Variants in PTPRD observed in about 807,000 individuals in gnomAD.
PTPRD encodes protein tyrosine phosphatase receptor type D, also known as receptor-type tyrosine-protein phosphatase delta.
Under a neutral mutation model 214.5 loss-of-function variants are expected in PTPRD, and 34 were observed. The observed-to-expected ratio is 0.16, with a 90% CI of 0.12 to 0.21. PTPRD has a LOEUF of 0.21. PTPRD is among the 10% of genes least tolerant of loss of function. The pLI, the probability that PTPRD is intolerant of heterozygous loss-of-function variation, is 1.00. For synonymous variants in PTPRD, 1,128 were observed against 845.7 expected, an observed-to-expected ratio of 1.33 and a Z score of -5.79; for missense variants, 2,545 against 2,398.7, an observed-to-expected ratio of 1.06 and a Z score of -1.27.
At chr9:8,354,046 C>T (rs1002967134) in intron 39 of PTPRD, among the ~76,000 whole-genome samples, 1 of 147,754 alleles carries the variant, frequency 6.8e-6, no homozygotes, top group Non-Finnish European at 1.5e-5. Flanking sequence ...GCAACCTCCA[C>T]CTCCCAGGTT....
At chr9:9,504,498 C>T (rs1346449741) in intron 8 of PTPRD, among the ~76,000 whole-genome samples, 1 of 151,724 alleles carries the variant, frequency 6.6e-6, no homozygotes, top group East Asian at 1.9e-4. Context: ...GTTAAAGAAA[C>T]TCACTTCAGC....
intron 11 of PTPRD, among the ~76,000 whole-genome samples, chr9:8,798,288 T>C (rs572249742): frequency 6.8e-4 from 104 of 152,300 alleles, no homozygotes; most frequent in African/African-American, 2.2e-3. Flanking sequence ...TTAAGTCCAG[T>C]TCTCCAGCAA....
At chr9:10,011,307 T>C (rs532135303) in intron 4 of PTPRD, among the ~76,000 whole-genome samples, 1 of 152,104 alleles carries the variant, frequency 6.6e-6, no homozygotes, top group Non-Finnish European at 1.5e-5. Context: ...GGATTGAATT[T>C]AGTTAAATTG....
At chr9:8,667,305 C>T (rs1364514702) in intron 12 of PTPRD, among the ~76,000 whole-genome samples, 3 of 152,174 alleles carry the variant, frequency 2.0e-5, no homozygotes, top group Non-Finnish European at 1.5e-5. Context: ...TGCCATTGCA[C>T]TCCAGCCTGG....
chr9:8,375,134 G>A (rs1419557842), intron 39 of PTPRD, among the ~76,000 whole-genome samples: 3 of 151,770 alleles, frequency 2.0e-5, no homozygotes, highest in Admixed American at 2.0e-4. Context: ...GAAATTATAT[G>A]CACTATACAT....
At chr9:10,040,779 C>T (rs1334980148) in intron 3 of PTPRD, among the ~76,000 whole-genome samples, 1 of 152,016 alleles carries the variant, frequency 6.6e-6, no homozygotes, top group Non-Finnish European at 1.5e-5. Context: ...AAATTGAGCA[C>T]TGATAAACCT....
chr9:8,738,746 C>T (rs978180546), intron 11 of PTPRD, among the ~76,000 whole-genome samples: 1 of 150,620 alleles, frequency 6.6e-6, no homozygotes, highest in Non-Finnish European at 1.5e-5. Flanking sequence ...AAAACGGGAA[C>T]AGAAAAGGAA....
At chr9:9,653,376 A>T (rs1003246839) in intron 7 of PTPRD, among the ~76,000 whole-genome samples, 1 of 140,922 alleles carries the variant, frequency 7.1e-6, no homozygotes, top group Non-Finnish European at 1.5e-5. Context: ...AAAAAAAAAA[A>T]AAAAAAAAAA....
chr9:10,455,526 T>A (rs2098905939), intron 2 of PTPRD, among the ~76,000 whole-genome samples: 2 of 151,682 alleles, frequency 1.3e-5, no homozygotes, highest in East Asian at 3.9e-4. Context: ...AAACTCAACA[T>A]TTTTTAAACC....
intron 3 of PTPRD, among the ~76,000 whole-genome samples, chr9:10,338,358 C>T (rs1377353192): frequency 6.6e-6 from 1 of 151,640 alleles, no homozygotes; most frequent in African/African-American, 2.4e-5. Flanking sequence ...CGATTTCTAT[C>T]CATACCAATA....
chr9:9,488,389 G>A (rs2095750800), intron 8 of PTPRD, among the ~76,000 whole-genome samples: 1 of 151,986 alleles, frequency 6.6e-6, no homozygotes, highest in Admixed American at 6.6e-5. Context: ...ATACTTTCCA[G>A]TATACGCCAA....
At chr9:9,447,179 G>T (rs960528650) in intron 8 of PTPRD, among the ~76,000 whole-genome samples, 2 of 152,044 alleles carry the variant, frequency 1.3e-5, no homozygotes, top group Non-Finnish European at 2.9e-5. Flanking sequence ...ATACCCAAAG[G>T]AATATTAATC....
At chr9:8,664,629 T>C (rs376375055) in intron 12 of PTPRD, among the ~76,000 whole-genome samples, 1 of 152,246 alleles carries the variant, frequency 6.6e-6, no homozygotes, top group Non-Finnish European at 1.5e-5. Context: ...TACTTCCAGA[T>C]AGCTCTGGTG....
At chr9:9,624,193 T>A (rs900132238) in intron 7 of PTPRD, among the ~76,000 whole-genome samples, 5 of 152,198 alleles carry the variant, frequency 3.3e-5, no homozygotes, top group Middle Eastern at 3.2e-3. Flanking sequence ...TTATTTTTTT[T>A]AATTGCACTA....
At chr9:8,628,213 T>C (rs971277420) in intron 14 of PTPRD, among the ~76,000 whole-genome samples, 2 of 151,930 alleles carry the variant, frequency 1.3e-5, no homozygotes, top group Middle Eastern at 3.4e-3. Context: ...ACTGTGTTCA[T>C]CTTCAAAAAG....
chr9:10,163,585 A>T (rs1406551451), intron 3 of PTPRD, among the ~76,000 whole-genome samples: 1 of 151,462 alleles, frequency 6.6e-6, no homozygotes, highest in Non-Finnish European at 1.5e-5. Flanking sequence ...TCATGCTATC[A>T]GTTTATTTTC....
At chr9:9,320,895 T>C (rs1382032182) in intron 9 of PTPRD, among the ~76,000 whole-genome samples, 1 of 152,200 alleles carries the variant, frequency 6.6e-6, no homozygotes, top group Non-Finnish European at 1.5e-5. Context: ...GCCAGAAATG[T>C]GCCAGATAAG....
chr9:10,412,666 C>A (rs73406117), intron 2 of PTPRD, among the ~76,000 whole-genome samples: 9 of 136,776 alleles, frequency 6.6e-5, no homozygotes, highest in African/African-American at 2.7e-4. Flanking sequence ...ACACACACAC[C>A]CCTTGAAGCC....
intron 11 of PTPRD, among the ~76,000 whole-genome samples, chr9:8,996,854 A>G (rs1462700291): frequency 6.6e-6 from 1 of 152,074 alleles, no homozygotes; most frequent in Non-Finnish European, 1.5e-5. Flanking sequence ...TTTGGGGGAT[A>G]TAACATTTGG....
Sources: gnomAD v4.1 joint callset for allele counts (sites outside exome capture counted in the v4.1 genomes callset) on GRCh38, gnomAD v4.1.1 for gene constraint, MANE v1.5 for transcripts, NCBI Gene and HGNC (gene_info 2026-07-23, HGNC 2026-07-21) for gene names.